SMCHD1: variants seen among roughly 807,000 people sequenced by gnomAD.
SMCHD1 encodes structural maintenance of chromosomes flexible hinge domain containing 1, also known as structural maintenance of chromosomes flexible hinge domain-containing protein 1.
Under a neutral mutation model 254.7 loss-of-function variants are expected in SMCHD1, and 78 were observed. The observed-to-expected ratio is 0.31, with a 90% CI of 0.26 to 0.37. The LOEUF is 0.37. SMCHD1 is among the 10% of genes least tolerant of loss of function. SMCHD1 has a pLI of 1.00. For missense variants in SMCHD1, 1,840 were observed against 2,408.1 expected (o/e 0.76, Z 4.94); for synonymous variants, 766 against 794.9 (o/e 0.96, Z 0.61).
chr18:2,669,542 A>C (rs1037485454), intron 3 of SMCHD1, among the ~76,000 whole-genome samples: 2 of 152,042 alleles, frequency 1.3e-5, no homozygotes, highest in African/African-American at 4.8e-5. Context: ...TTAATATTGA[A>C]GTGCCTTAGG....
intron 30 of SMCHD1, among the ~76,000 whole-genome samples, chr18:2,748,490 TTCAAAGCAATTCTCCTGCCTCC>T (rs2075511774): frequency 2.7e-5 from 2 of 74,508 alleles, no homozygotes; most frequent in Admixed American, 1.6e-4. Flanking sequence ...GCCTCCCAGG[TTCAAAGCAATTCTCCTGCCTCC>T]GCCTCCTGAG....
intron 20 of SMCHD1, among the ~76,000 whole-genome samples, chr18:2,723,274 T>A (rs1302684598): frequency 4.6e-5 from 7 of 152,188 alleles, no homozygotes; most frequent in South Asian, 2.1e-4. Flanking sequence ...AGGGTTTTTT[T>A]AAAAGCTTTC....
At chr18:2,776,716 T>C (rs2076072187) in intron 42 of SMCHD1, among the ~76,000 whole-genome samples, 1 of 152,032 alleles carries the variant, frequency 6.6e-6, no homozygotes, top group East Asian at 1.9e-4. Flanking sequence ...TCATTAAGAG[T>C]CTACTATGTC....
At chr18:2,703,380 C>T (rs1289062431) in intron 12 of SMCHD1, among the ~76,000 whole-genome samples, 1 of 152,062 alleles carries the variant, frequency 6.6e-6, no homozygotes, top group Non-Finnish European at 1.5e-5. Context: ...TAGTTCTCCT[C>T]CCAGGCAGTA....
intron 29 of SMCHD1, among the ~76,000 whole-genome samples, chr18:2,745,634 TTGAC>T (rs1305342883): frequency 1.3e-5 from 2 of 152,220 alleles, no homozygotes; most frequent in African/African-American, 4.8e-5. Context: ...TATTTGTTGA[TTGAC>T]TGTTACCTGG....
rs371207770 is a variant in SMCHD1 at position 2,795,958 on chromosome 18, A to G, written c.5729A>G (p.Gln1910Arg). ...TTTGGTTTCTTTACAGATCTTCTTC[A>G]GCAGTATCGTTCTGCTGTGTGCAAA... is the stretch of plus-strand genomic sequence containing the variant. ...LILGEQIDLL[Q>R]QYRSAVCKLD... Residue 1910 changes from glutamine to arginine, a missense_variant, in exon 46 of 48, where the codon CAG becomes CGG. Gln to Arg is a conservative substitution (Grantham distance 43). Coordinates refer to ENST00000320876, the MANE Select transcript of SMCHD1 (RefSeq NM_015295.3). 1.1e-5 allele frequency: 17 copies of G among 1,586,690 alleles called. No individual in the cohort carries two copies. The African/African-American group carries it at 2.0e-4, about 19-fold the overall frequency.
intron 1 of SMCHD1, among the ~76,000 whole-genome samples, chr18:2,662,946 T>C (rs1195684538): frequency 6.6e-6 from 1 of 152,220 alleles, no homozygotes; most frequent in East Asian, 1.9e-4. Context: ...ATATCAGCAG[T>C]GTGTAAGGTA....
intron 45 of SMCHD1, among the ~76,000 whole-genome samples, chr18:2,786,299 G>C (rs937591428): frequency 1.6e-4 from 24 of 151,308 alleles, no homozygotes; most frequent in African/African-American, 5.8e-4. Flanking sequence ...CACTTTGTTT[G>C]CTTTTATTAA....
At chr18:2,687,505 G>T (rs2074079054) in intron 5 of SMCHD1, among the ~76,000 whole-genome samples, 1 of 151,954 alleles carries the variant, frequency 6.6e-6, no homozygotes, top group African/African-American at 2.4e-5. Flanking sequence ...TAGTTCTTCT[G>T]TTTGGTTTTT....
chr18:2,799,101 C>T (rs1054078762), intron 47 of SMCHD1, among the ~76,000 whole-genome samples: 7 of 151,878 alleles, frequency 4.6e-5, no homozygotes, highest in East Asian at 1.9e-4. Flanking sequence ...TTGTACTATA[C>T]GTGAGTCACA....
chr18:2,703,954 C>A, intron 13 of SMCHD1, 68 bp downstream of exon 13: 1 of 1,205,884 alleles, frequency 8.3e-7, no homozygotes, highest in Non-Finnish European at 1.1e-6. Flanking sequence ...TATGCAGAAT[C>A]ACATGTATAG....
chr18:2,770,258 A>C, intron 39 of SMCHD1, 150 bp downstream of exon 39: 1 of 723,310 alleles, frequency 1.4e-6, no homozygotes, highest in Non-Finnish European at 2.1e-6. Flanking sequence ...TGATACTGTC[A>C]TTGAGAATTC....
intron 47 of SMCHD1, among the ~76,000 whole-genome samples, chr18:2,798,065 G>A (rs544097209): frequency 1.4e-4 from 22 of 152,340 alleles, no homozygotes; most frequent in Middle Eastern, 3.4e-3. Flanking sequence ...GTTTCAGTCA[G>A]AGGTTGGGAA....
intron 5 of SMCHD1, among the ~76,000 whole-genome samples, chr18:2,675,849 AAAC>A (rs1204005440): frequency 2.0e-5 from 3 of 152,222 alleles, no homozygotes; most frequent in Non-Finnish European, 4.4e-5. Flanking sequence ...TCTTAGAACA[AAAC>A]AAACTTTTAA....
chr18:2,758,910 TA>T, intron 34 of SMCHD1, among the ~76,000 whole-genome samples: 2 of 152,298 alleles, frequency 1.3e-5, no homozygotes, highest in Middle Eastern at 6.8e-3. Context: ...CTTCAGTTTT[TA>T]AAAATTTTGC....
chr18:2,705,909 A>T, intron 14 of SMCHD1, 102 bp downstream of exon 14: 1 of 626,862 alleles, frequency 1.6e-6, no homozygotes, highest in South Asian at 2.7e-5. Context: ...TTTCCATTGG[A>T]TAAAGTGGTT....
chr18:2,667,642 C>T (rs781467771), intron 3 of SMCHD1, among the ~76,000 whole-genome samples: 1 of 152,020 alleles, frequency 6.6e-6, no homozygotes, highest in Non-Finnish European at 1.5e-5. Context: ...AATTAGAAAA[C>T]ATAGATAAGC....
At chr18:2,697,684 C>T (rs2074313294) in intron 9 of SMCHD1, 147 bp from the exon 10 acceptor site, 2 of 612,224 alleles carry the variant, frequency 3.3e-6, no homozygotes, top group Non-Finnish European at 5.7e-6. Context: ...CTGTTTAACT[C>T]ATATGTAAAT....
At chr18:2,776,084 A>G (rs2076060752) in intron 42 of SMCHD1, among the ~76,000 whole-genome samples, 160 bp downstream of exon 42, 1 of 152,190 alleles carries the variant, frequency 6.6e-6, no homozygotes, top group Non-Finnish European at 1.5e-5. Flanking sequence ...GGCATTTTTC[A>G]CTGCATATGC....
Sources: allele counts gnomAD v4.1 joint callset (sites outside exome capture counted in the v4.1 genomes callset), GRCh38; gene constraint gnomAD v4.1.1; transcripts MANE v1.5; gene names NCBI Gene and HGNC (gene_info 2026-07-23, HGNC 2026-07-21).